The following ARMC3 variants were observed in gnomAD, a reference collection of about 807,000 sequenced individuals.
ARMC3 encodes the protein armadillo repeat-containing protein 3.
In ARMC3, 74 loss-of-function variants were observed where a neutral mutation model predicts 90.3. The ratio of observed to expected loss-of-function variants is 0.82; its 90% CI spans 0.68 to 0.99. ARMC3 has a LOEUF of 0.99. Ranked by LOEUF, ARMC3 falls within the 50% of genes least tolerant of loss-of-function variation. ARMC3 has a pLI of 0.00. For missense variants in ARMC3, 958 were observed against 1,042.8 expected (o/e 0.92, Z 1.12); for synonymous variants, 334 against 361.8 (o/e 0.92, Z 0.87).
At chr10:23,005,346 G>A (rs909143588) in intron 13 of ARMC3, among the ~76,000 whole-genome samples, 1 of 151,934 alleles carries the variant, frequency 6.6e-6, no homozygotes, top group African/African-American at 2.4e-5. Context: ...GTGACAAAAC[G>A]TGTTTGGTCA....
chr10:22,979,449 CTATT>C (rs371106233), intron 8 of ARMC3, among the ~76,000 whole-genome samples: 14 of 152,274 alleles, frequency 9.2e-5, no homozygotes, highest in African/African-American at 3.1e-4. Context: ...CCCTCAGTAT[CTATT>C]TAAATTATTT....
At chr10:22,954,872 G>A (rs759395219) in intron 3 of ARMC3, among the ~76,000 whole-genome samples, 4 of 152,076 alleles carry the variant, frequency 2.6e-5, no homozygotes, top group Non-Finnish European at 4.4e-5. Context: ...ACATGATTGT[G>A]GAGGCTGAGA....
chr10:22,975,104 A>C (rs560940797), intron 8 of ARMC3, among the ~76,000 whole-genome samples: 37 of 152,354 alleles, frequency 2.4e-4, no homozygotes, highest in Non-Finnish European at 4.9e-4. Context: ...CAAATTAACC[A>C]GAGTATATTT....
chr10:23,028,242 T>C (rs1309569760), intron 16 of ARMC3, among the ~76,000 whole-genome samples: 3 of 152,384 alleles, frequency 2.0e-5, no homozygotes, highest in East Asian at 1.9e-4. Context: ...CTAGTTCCTC[T>C]TTTATCTTCA....
chr10:22,956,785 T>G (rs1834957546), intron 4 of ARMC3, among the ~76,000 whole-genome samples: 1 of 148,248 alleles, frequency 6.7e-6, no homozygotes, highest in South Asian at 2.1e-4. Context: ...TATTAATATA[T>G]TAGTATGATA....
chr10:22,953,248 T>C (rs529967618), intron 3 of ARMC3, among the ~76,000 whole-genome samples: 1 of 152,304 alleles, frequency 6.6e-6, no homozygotes, highest in South Asian at 2.1e-4. Context: ...GCCATTGGGT[T>C]TAGCTCCCAA....
rs1042848115 is a variant in ARMC3, at chr10:23,002,166, C to T, written c.1562+111C>T. 5.1e-5 allele frequency: 72 copies of T among 1,422,388 alleles called. No homozygotes were observed. In the Middle Eastern group the frequency reaches 1.0e-3, roughly 20 times the overall value. 88.1% of individuals were successfully genotyped at this position (1,422,388 alleles called of 1,614,324 possible). A position where few individuals can be genotyped will look rare whatever the true frequency, so the allele number is the denominator to read the frequency against. ...CCAAGTCTCCGCTGCTCTCTCAGTC[C>T]GCTGAAGCGCTGCATGTCCCCAGGG... On this transcript the variant is annotated intron_variant, in intron 12 of 18. Coordinates refer to ENST00000298032, the MANE Select transcript of ARMC3 (RefSeq NM_173081.5).
intron 14 of ARMC3, 78 bp downstream of exon 14, chr10:23,007,059 A>G: frequency 8.3e-7 from 1 of 1,208,216 alleles, no homozygotes; most frequent in Non-Finnish European, 1.2e-6. Context: ...ACGTGTGAAT[A>G]TGCAAAGATT....
At chr10:22,986,115 C>A (rs574041475) in intron 10 of ARMC3, among the ~76,000 whole-genome samples, 4 of 147,600 alleles carry the variant, frequency 2.7e-5, no homozygotes, top group Admixed American at 7.0e-5. Context: ...TGCACGCCCC[C>A]CCCCCGCGCC....
At chr10:23,023,275 C>T (rs1009630024) in intron 16 of ARMC3, among the ~76,000 whole-genome samples, 11 of 152,140 alleles carry the variant, frequency 7.2e-5, no homozygotes, top group East Asian at 3.9e-4. Context: ...CAGAAAAACA[C>T]GTACACTCAC....
rs142331908 is a variant in ARMC3, at chr10:22,968,211, T to C, written c.733-95T>C. On this transcript the variant is annotated intron_variant, in intron 7 of 18. Coordinates refer to ENST00000298032, the MANE Select transcript of ARMC3 (RefSeq NM_173081.5). ...TCTGTCACAACAAAAATCATGACAT[T>C]GTGTTCTGACTGACTTTATTTCCTC... 30 of 1,151,292 alleles carry C rather than the reference T, an allele frequency of 2.6e-5. 1 individual carries two copies. In the Middle Eastern group the frequency reaches 8.4e-4, roughly 32 times the overall value. The allele number at this position is 1,151,292 out of a possible 1,614,324, so 71.3% of individuals were successfully genotyped here.
At chr10:22,947,325 CA>C (rs140227935) in intron 3 of ARMC3, among the ~76,000 whole-genome samples, 53,851 of 139,380 alleles carry the variant, frequency 0.39, 11,339 homozygotes, top group African/African-American at 0.61. Flanking sequence ...ACCAACCAAC[CA>C]AAAAAAAAAA....
intron 1 of ARMC3, among the ~76,000 whole-genome samples, chr10:22,929,906 A>G (rs932955746): frequency 6.6e-6 from 1 of 152,176 alleles, no homozygotes; most frequent in African/African-American, 2.4e-5. Context: ...ACACTCTATC[A>G]TTGCAATACT....
Position 23,002,073 on chromosome 10 carries a change from CAA to C in ARMC3, c.1562+19_1562+20del, listed in dbSNP as rs780360144. The C allele has an allele frequency of 2.5e-6, 4 of 1,611,384 alleles. 1 individual carries two copies. In the South Asian group the frequency reaches 4.4e-5, roughly 18 times the overall value. On this transcript the variant is annotated intron_variant, in intron 12 of 18. Coordinates refer to ENST00000298032, the MANE Select transcript of ARMC3 (RefSeq NM_173081.5). ...AGGCTCGGGTGAGTGGATGCCATCT[CAA>C]GTTTCTGGCTCAGATGAAGAGCAGA...
chr10:22,935,429 CA>C (rs1190429596), intron 2 of ARMC3, among the ~76,000 whole-genome samples: 6 of 152,206 alleles, frequency 3.9e-5, no homozygotes, highest in Non-Finnish European at 8.8e-5. Context: ...ACATTTTTAT[CA>C]TTGAAGATCT....
At chr10:23,009,057 T>G in intron 16 of ARMC3, 126 bp downstream of exon 16, 1 of 698,456 alleles carries the variant, frequency 1.4e-6, no homozygotes, top group Non-Finnish European at 2.3e-6. Context: ...AGATGAAATT[T>G]AAAAGAAACT....
At chr10:22,932,086 G>A in intron 2 of ARMC3, 42 bp downstream of exon 2, 1 of 1,524,262 alleles carries the variant, frequency 6.6e-7, no homozygotes, top group Non-Finnish European at 8.9e-7. Context: ...TTAACAACCA[G>A]TTATAAAAAT....
intron 3 of ARMC3, among the ~76,000 whole-genome samples, chr10:22,949,529 A>G (rs1344382352): frequency 6.6e-6 from 1 of 152,206 alleles, no homozygotes; most frequent in African/African-American, 2.4e-5. Context: ...AGATTAATGA[A>G]CTTAAATACA....
At chr10:22,956,774 ATATT>A (rs1834956311) in intron 4 of ARMC3, among the ~76,000 whole-genome samples, 1 of 148,230 alleles carries the variant, frequency 6.7e-6, no homozygotes, top group Non-Finnish European at 1.5e-5. Flanking sequence ...TAATATCAAT[ATATT>A]AATATATTAG....
Sources: gnomAD v4.1 joint callset for allele counts (sites outside exome capture counted in the v4.1 genomes callset) on GRCh38, gnomAD v4.1.1 for gene constraint, MANE v1.5 for transcripts, NCBI Gene and HGNC (gene_info 2026-07-23, HGNC 2026-07-21) for gene names.